Variants in CAMTA1 observed in about 807,000 individuals in gnomAD.
CAMTA1 encodes the protein calmodulin binding transcription activator 1, also known as calmodulin-binding transcription activator 1.
In CAMTA1, 27 loss-of-function variants were observed where a neutral mutation model predicts 170.9. That is an observed-to-expected ratio of 0.16 (90% CI 0.12 to 0.22). The LOEUF is 0.22. CAMTA1 is among the 10% of genes least tolerant of loss of function. The pLI is 1.00. For synonymous variants in CAMTA1, 833 were observed against 891.5 expected (o/e 0.93, Z 1.17); for missense variants, 1,619 against 2,217.2 (o/e 0.73, Z 5.42).
At chr1:6,832,426 A>G (rs1210301772) in intron 3 of CAMTA1, among the ~76,000 whole-genome samples, 2 of 152,136 alleles carry the variant, frequency 1.3e-5, no homozygotes, top group Non-Finnish European at 2.9e-5. Context: ...GTCGATACAT[A>G]ATCTTGAGTG....
chr1:7,100,999 C>T (rs1642653665), intron 4 of CAMTA1, among the ~76,000 whole-genome samples: 1 of 152,172 alleles, frequency 6.6e-6, no homozygotes, highest in Non-Finnish European at 1.5e-5. Flanking sequence ...CCAGGGTGAC[C>T]CTTGCCAGCA....
intron 2 of CAMTA1, among the ~76,000 whole-genome samples, chr1:6,824,635 A>G (rs913407381): frequency 6.6e-6 from 1 of 152,188 alleles, no homozygotes; most frequent in African/African-American, 2.4e-5. Context: ...AATCTCTTTT[A>G]TAGTCTAGGG....
At chr1:7,755,487 A>C in intron 21 of CAMTA1, 151 bp from the exon 22 acceptor site, 1 of 641,918 alleles carries the variant, frequency 1.6e-6, no homozygotes, top group Non-Finnish European at 2.8e-6. Context: ...TTACCTACTC[A>C]TTTCACGTAC....
chr1:6,836,232 T>C (rs1488588573), intron 3 of CAMTA1, among the ~76,000 whole-genome samples: 2 of 152,214 alleles, frequency 1.3e-5, no homozygotes, highest in Non-Finnish European at 2.9e-5. Flanking sequence ...GTATTAGTGC[T>C]TTTAGAAAGC....
At chr1:7,656,282 T>C (rs191538666) in intron 7 of CAMTA1, among the ~76,000 whole-genome samples, 6 of 152,254 alleles carry the variant, frequency 3.9e-5, no homozygotes, top group African/African-American at 1.4e-4. Flanking sequence ...AAGTCCAAGA[T>C]TAAGGGGACA....
At chr1:7,274,363 A>G (rs1670274923) in intron 5 of CAMTA1, among the ~76,000 whole-genome samples, 1 of 152,176 alleles carries the variant, frequency 6.6e-6, no homozygotes, top group Admixed American at 6.5e-5. Flanking sequence ...CAAGATAAAG[A>G]GAGATATTTT....
In CAMTA1 at chr1:7,633,427, G is replaced by T. The variant is rs546658717; in HGVS notation, c.511-6973G>T. On this transcript the variant is annotated intron_variant, in intron 6 of 22. Coordinates refer to ENST00000303635, the MANE Select transcript of CAMTA1 (RefSeq NM_015215.4). The surrounding 1 kb of genome is among the most constrained non-coding windows in gnomAD (Gnocchi z 4.1). ...ACCCCCCCAGATGCCACCCCTCCTG[G>T]GCCCCTTCTGGGGGAGTGGACCCCC... Among the ~76,000 whole-genome samples the T allele has an allele frequency of 3.0e-4, 46 of 152,278 alleles. No homozygotes were observed. Among genetic ancestry groups the T allele is most frequent in the Non-Finnish European group, 5.1e-4 (35 of 68,014 alleles).
chr1:6,953,053 G>C (rs941774448), intron 3 of CAMTA1, among the ~76,000 whole-genome samples: 3 of 152,078 alleles, frequency 2.0e-5, no homozygotes, highest in Admixed American at 2.0e-4. Context: ...ATTTTTTGTA[G>C]CTTACTTTTT....
chr1:7,682,819 C>T lies in CAMTA1; in HGVS notation c.2914+5086C>T, dbSNP rs548290653. Among the ~76,000 whole-genome samples the T allele has an allele frequency of 6.6e-6, 1 of 152,344 alleles. No individual in the cohort carries two copies. Among genetic ancestry groups the T allele is most frequent in the South Asian group, 2.1e-4 (1 of 4,826 alleles). ...CCCTCAGATCCACCCAGCCCACCTC[C>T]GAGCAACCCTCAGCTGGCCCATGAA... On this transcript the variant is annotated intron_variant, in intron 11 of 22. Coordinates refer to ENST00000303635, the MANE Select transcript of CAMTA1 (RefSeq NM_015215.4). This position sits in a 1 kb window ranked among gnomAD's most constrained non-coding sequence, Gnocchi z 5.0.
At chr1:6,935,916 T>C (rs897603805) in intron 3 of CAMTA1, among the ~76,000 whole-genome samples, 11 of 151,950 alleles carry the variant, frequency 7.2e-5, no homozygotes, top group African/African-American at 2.4e-4. Context: ...TCTCAGAAGG[T>C]GGCAGGTCGG....
In CAMTA1 at chr1:7,677,126, G is replaced by A. The variant is rs557453718; in HGVS notation, c.2780-473G>A. 6.5e-4 allele frequency among the ~76,000 whole-genome samples: 99 copies of A among 152,282 alleles called. No individual in the cohort carries two copies. In the South Asian group the frequency reaches 0.02, roughly 31 times the overall value. On this transcript the variant is annotated intron_variant, in intron 10 of 22. Coordinates refer to ENST00000303635, the MANE Select transcript of CAMTA1 (RefSeq NM_015215.4). ...GGAAGCAGAAGAACTAAAAATACAA[G>A]GGATGGCTGGCTGTTCATCGAGTCA... is the stretch of plus-strand genomic sequence containing the variant.
At chr1:6,853,065 A>G (rs899103507) in intron 3 of CAMTA1, 1 of 152,218 alleles carries the variant, frequency 6.6e-6, no homozygotes, top group Admixed American at 6.5e-5. Flanking sequence ...CACAGAGTTA[A>G]TTACACCAGA....
At position 7,270,704 on chromosome 1, in the gene CAMTA1, GAC is replaced by G. The variant is rs757582594; in HGVS notation, c.438+21082_438+21083del. ...GCACTAGAAATGGTAAATATGGCTGGACACAGTTATGTGCTCTTGTAATCACA... is the reference window on the plus strand; with the variant it reads ...GCACTAGAAATGGTAAATATGGCTGGACAGTTATGTGCTCTTGTAATCACA... On this transcript the variant is annotated intron_variant, in intron 5 of 22. Coordinates refer to ENST00000303635, the MANE Select transcript of CAMTA1 (RefSeq NM_015215.4). 5.2e-3 allele frequency among the ~76,000 whole-genome samples: 785 copies of G among 152,244 alleles called. 4 individuals are homozygous for G. Among genetic ancestry groups the G allele is most frequent in the African/African-American group, 0.018 (749 of 41,542 alleles).
intron 4 of CAMTA1, among the ~76,000 whole-genome samples, chr1:7,120,147 C>T (rs1367757587): frequency 6.6e-6 from 1 of 152,206 alleles, no homozygotes; most frequent in Non-Finnish European, 1.5e-5. Context: ...GTTATCTGTT[C>T]CTCTGTAACA....
At chr1:7,090,599 A>C (rs1257114197) in intron 3 of CAMTA1, among the ~76,000 whole-genome samples, 2 of 152,206 alleles carry the variant, frequency 1.3e-5, no homozygotes, top group Non-Finnish European at 2.9e-5. Flanking sequence ...TTTTTATGGA[A>C]ATTATTAATA....
chr1:6,881,911 G>A (rs1671735349), intron 3 of CAMTA1, among the ~76,000 whole-genome samples: 1 of 152,150 alleles, frequency 6.6e-6, no homozygotes, highest in African/African-American at 2.4e-5. Flanking sequence ...AGGTTGCAGT[G>A]AGTGGAGATC....
intron 5 of CAMTA1, among the ~76,000 whole-genome samples, chr1:7,296,366 C>A (rs568237410): frequency 6.6e-6 from 1 of 152,308 alleles, no homozygotes; most frequent in South Asian, 2.1e-4. Context: ...TACTTGTGCT[C>A]CTAACTACCA....
At chr1:7,296,655 G>T (rs1352041131) in intron 5 of CAMTA1, among the ~76,000 whole-genome samples, 1 of 152,192 alleles carries the variant, frequency 6.6e-6, no homozygotes, top group Admixed American at 6.5e-5. Context: ...TGGTAGTGGA[G>T]CAGGTCTAGG....
chr1:7,529,034 A>G (rs1431486283), intron 6 of CAMTA1, among the ~76,000 whole-genome samples: 1 of 152,162 alleles, frequency 6.6e-6, no homozygotes, highest in East Asian at 1.9e-4. Flanking sequence ...CACCCAGGGA[A>G]GTCAGCTCAC....
Sources: allele counts gnomAD v4.1 joint callset (sites outside exome capture counted in the v4.1 genomes callset), GRCh38; gene constraint gnomAD v4.1.1; non-coding constraint Gnocchi (gnomAD v3.1); transcripts MANE v1.5; gene names NCBI Gene and HGNC (gene_info 2026-07-23, HGNC 2026-07-21).